IQCM: variants seen among roughly 807,000 people sequenced by gnomAD.
IQCM encodes the protein IQ domain-containing protein M.
Under a neutral mutation model 57.6 loss-of-function variants are expected in IQCM, and 45 were observed. The observed-to-expected ratio is 0.78, with a 90% CI of 0.62 to 1.00. IQCM has a LOEUF of 1.00. Among genes scored for constraint, IQCM ranks in the 50% least tolerant of loss-of-function variants. The pLI is 0.00. For synonymous variants in IQCM, 148 were observed against 158.9 expected, an observed-to-expected ratio of 0.93 and a Z score of 0.51; for missense variants, 468 against 511.6, an observed-to-expected ratio of 0.91 and a Z score of 0.82.
chr4:149,452,713 G>C (rs1737256520), intron 12 of IQCM, among the ~76,000 whole-genome samples: 1 of 151,424 alleles, frequency 6.6e-6, no homozygotes, highest in Non-Finnish European at 1.5e-5. Context: ...GCCTCCCAAA[G>C]TTTTATTTTG....
intron 9 of IQCM, among the ~76,000 whole-genome samples, chr4:149,584,999 C>A (rs1323994507): frequency 2.0e-5 from 3 of 151,710 alleles, no homozygotes; most frequent in African/African-American, 7.3e-5. Context: ...TAAAAAAATA[C>A]TGCTGAGTGG....
chr4:149,665,610 T>G (rs1485837627), intron 7 of IQCM, among the ~76,000 whole-genome samples: 12 of 152,166 alleles, frequency 7.9e-5, no homozygotes, highest in Admixed American at 7.2e-4. Flanking sequence ...GCCAAGCAAC[T>G]CCAGTTGGCC....
At chr4:149,361,678 C>T (rs960759393) in intron 13 of IQCM, among the ~76,000 whole-genome samples, 3 of 152,116 alleles carry the variant, frequency 2.0e-5, no homozygotes, top group Non-Finnish European at 2.9e-5. Flanking sequence ...GTACCTCCTC[C>T]TAGATTTCAG....
intron 13 of IQCM, among the ~76,000 whole-genome samples, chr4:149,384,354 C>G (rs1324388754): frequency 6.6e-6 from 1 of 152,126 alleles, no homozygotes; most frequent in Non-Finnish European, 1.5e-5. Context: ...TGTCCTCCCA[C>G]TTTCTAACTA....
rs1476708710 is a variant in IQCM, at chr4:149,368,957, CACGT to C, written c.1391-16895_1391-16892del. 4.8e-5 allele frequency among the ~76,000 whole-genome samples: 3 copies of C among 62,802 alleles called. 1 individual carries two copies. The East Asian group carries it at 1.3e-3, about 27-fold the overall frequency. The allele number at this position is 62,802 out of a possible 152,430, so 41.2% of individuals were successfully genotyped here. On this transcript the variant is annotated intron_variant, in intron 13 of 13. Coordinates refer to ENST00000636793, the MANE Select transcript of IQCM (RefSeq NM_001363507.2). ...GTGTATATATATGTGTATATATATA[CACGT>C]GTATATATATATGTGTATATATATA...
intron 12 of IQCM, among the ~76,000 whole-genome samples, chr4:149,486,675 G>T (rs991084777): frequency 2.6e-5 from 4 of 152,188 alleles, no homozygotes; most frequent in Admixed American, 1.3e-4. Context: ...GAACCCAGGA[G>T]GTGGAGGTTG....
chr4:149,396,524 T>C (rs1241780375), intron 13 of IQCM, among the ~76,000 whole-genome samples: 1 of 152,016 alleles, frequency 6.6e-6, no homozygotes, highest in Non-Finnish European at 1.5e-5. Context: ...GATTTTTGCA[T>C]ATCAGTATAG....
intron 2 of IQCM, among the ~76,000 whole-genome samples, chr4:149,791,320 TG>T (rs1159991599): frequency 6.6e-6 from 1 of 152,108 alleles, no homozygotes; most frequent in East Asian, 1.9e-4. Flanking sequence ...TTGTACACTT[TG>T]GGGGGGTACA....
intron 2 of IQCM, among the ~76,000 whole-genome samples, chr4:149,743,084 A>T (rs944173900): frequency 1.3e-5 from 2 of 152,158 alleles, no homozygotes; most frequent in African/African-American, 4.8e-5. Flanking sequence ...TGCAAAACTC[A>T]AAAGATGTTT....
At chr4:149,383,218 T>C (rs1215202490) in intron 13 of IQCM, among the ~76,000 whole-genome samples, 1 of 152,182 alleles carries the variant, frequency 6.6e-6, no homozygotes, top group African/African-American at 2.4e-5. Context: ...GTAGACACTT[T>C]AAATAATGAT....
intron 13 of IQCM, among the ~76,000 whole-genome samples, chr4:149,408,100 T>G (rs1263925239): frequency 2.0e-5 from 3 of 152,172 alleles, no homozygotes; most frequent in Admixed American, 6.6e-5. Flanking sequence ...TTTATCTTTT[T>G]TATATGTTTC....
chr4:149,677,872 G>A (rs192173078), intron 7 of IQCM, among the ~76,000 whole-genome samples: 2 of 151,878 alleles, frequency 1.3e-5, no homozygotes, highest in Admixed American at 1.3e-4. Flanking sequence ...TCTAGAAACT[G>A]ATAAATATAT....
intron 2 of IQCM, among the ~76,000 whole-genome samples, chr4:149,777,991 C>T (rs1414790694): frequency 6.6e-6 from 1 of 152,138 alleles, no homozygotes; most frequent in Admixed American, 6.5e-5. Context: ...ACAGGAAAAT[C>T]TCCAAACCCA....
chr4:149,506,891 A>G (rs1266446536), intron 12 of IQCM, among the ~76,000 whole-genome samples: 1 of 152,166 alleles, frequency 6.6e-6, no homozygotes, highest in East Asian at 1.9e-4. Context: ...ATAGAGCAAT[A>G]GTGAAAGAAT....
In IQCM at chr4:149,809,722, C is replaced by T. The variant is rs568162742; in HGVS notation, c.-49+5589G>A. On this transcript the variant is annotated intron_variant, in intron 2 of 13. Coordinates refer to ENST00000636793, the MANE Select transcript of IQCM (RefSeq NM_001363507.2). The stretch of plus-strand genomic sequence containing the variant: ...GGTCCACATCTAACTCATGTAATCA[C>T]CAAATGATGCATGAGAGGCATTACT... Among the ~76,000 whole-genome samples the T allele has an allele frequency of 2.6e-5, 4 of 152,232 alleles. No homozygotes were observed. In the South Asian group the frequency reaches 8.3e-4, roughly 32 times the overall value.
At chr4:149,669,897 A>T (rs1205319489) in intron 7 of IQCM, among the ~76,000 whole-genome samples, 1 of 152,160 alleles carries the variant, frequency 6.6e-6, no homozygotes, top group Non-Finnish European at 1.5e-5. Flanking sequence ...GTATAGTTAG[A>T]AGTCAGGTAG....
At chr4:149,499,847 T>C (rs947990937) in intron 12 of IQCM, among the ~76,000 whole-genome samples, 2 of 152,178 alleles carry the variant, frequency 1.3e-5, no homozygotes, top group African/African-American at 4.8e-5. Flanking sequence ...TACTTTGGGA[T>C]ATAATTTTTA....
chr4:149,596,028 C>A (rs964073876), intron 8 of IQCM, among the ~76,000 whole-genome samples: 1 of 152,046 alleles, frequency 6.6e-6, no homozygotes, highest in Non-Finnish European at 1.5e-5. Flanking sequence ...GCTTATCTAC[C>A]AGTCACTAGA....
intron 12 of IQCM, among the ~76,000 whole-genome samples, chr4:149,455,110 T>C (rs2149700767): frequency 6.6e-6 from 1 of 152,182 alleles, no homozygotes; most frequent in Non-Finnish European, 1.5e-5. Flanking sequence ...GGTTACATCC[T>C]GAAAAACCCA....
Sources: allele counts gnomAD v4.1 joint callset (sites outside exome capture counted in the v4.1 genomes callset), GRCh38; gene constraint gnomAD v4.1.1; transcripts MANE v1.5; gene names NCBI Gene and HGNC (gene_info 2026-07-23, HGNC 2026-07-21).